SYT1: variants seen among roughly 807,000 people sequenced by gnomAD.
SYT1 encodes the protein synaptotagmin-1.
Under a neutral mutation model 44.8 loss-of-function variants are expected in SYT1, and 8 were observed. That is an observed-to-expected ratio of 0.18 (90% confidence interval 0.10 to 0.32). The LOEUF (loss-of-function observed/expected upper bound fraction) is 0.32, where lower values mean the gene tolerates loss of function less well. Ranked by LOEUF, SYT1 falls within the 10% of genes least tolerant of loss-of-function variation. The probability of loss-of-function intolerance (pLI) is 1.00; values close to 1 mark genes in which losing one functional copy is unlikely to be tolerated. For missense variants in SYT1, 286 were observed against 509.3 expected (o/e 0.56, Z 4.22); for synonymous variants, 154 against 188.8 (o/e 0.82, Z 1.51).
chr12:79,002,620 C>A (rs1290079231), intron 2 of SYT1, among the ~76,000 whole-genome samples: 1 of 152,004 alleles, frequency 6.6e-6, no homozygotes, highest in Non-Finnish European at 1.5e-5. Flanking sequence ...TTTAAATTCC[C>A]TGAACTCTTG....
At chr12:79,213,973 A>G (rs1874626739) in intron 3 of SYT1, among the ~76,000 whole-genome samples, 1 of 152,218 alleles carries the variant, frequency 6.6e-6, no homozygotes, top group South Asian at 2.1e-4. Flanking sequence ...GGACTGAATA[A>G]TCAGCTAATT....
chr12:79,113,153 G>C (rs1879104422), intron 3 of SYT1, among the ~76,000 whole-genome samples: 1 of 152,022 alleles, frequency 6.6e-6, no homozygotes, highest in African/African-American at 2.4e-5. Flanking sequence ...TTGTGTTTCT[G>C]ATATGTTAAC....
At chr12:78,978,523 CTGTT>C (rs1326824084) in intron 2 of SYT1, among the ~76,000 whole-genome samples, 1 of 152,184 alleles carries the variant, frequency 6.6e-6, no homozygotes, top group East Asian at 1.9e-4. Context: ...TGTAAAGTAT[CTGTT>C]TGTCTTAACT....
chr12:79,283,608 G>A (rs186034756), intron 4 of SYT1, among the ~76,000 whole-genome samples: 6 of 152,012 alleles, frequency 3.9e-5, no homozygotes, highest in East Asian at 1.9e-4. Context: ...TGTCTTTCCC[G>A]CAATGAATAC....
intron 1 of SYT1, among the ~76,000 whole-genome samples, chr12:78,913,440 G>C (rs1276306853): frequency 6.6e-6 from 1 of 151,238 alleles, no homozygotes; most frequent in Non-Finnish European, 1.5e-5. Flanking sequence ...TATAGTTAAG[G>C]AACTTTATAT....
intron 9 of SYT1, among the ~76,000 whole-genome samples, chr12:79,376,204 A>G (rs1427799691): frequency 1.3e-5 from 2 of 152,222 alleles, no homozygotes; most frequent in Non-Finnish European, 2.9e-5. Flanking sequence ...GGAGGAATTC[A>G]GGGCGAGTCT....
chr12:79,099,587 GT>G (rs1347173895), intron 3 of SYT1, among the ~76,000 whole-genome samples: 2 of 151,996 alleles, frequency 1.3e-5, no homozygotes, highest in Admixed American at 6.6e-5. Flanking sequence ...ACAAAGTAGG[GT>G]TTTTAATCCT....
chr12:79,046,858 T>G (rs61929014), intron 2 of SYT1, among the ~76,000 whole-genome samples: 1 of 152,054 alleles, frequency 6.6e-6, no homozygotes, highest in African/African-American at 2.4e-5. Context: ...GTGAAAAATA[T>G]AAAACTTAAA....
intron 2 of SYT1, among the ~76,000 whole-genome samples, chr12:78,989,253 A>T (rs1869857998): frequency 1.3e-5 from 2 of 152,138 alleles, no homozygotes; most frequent in South Asian, 4.1e-4. Flanking sequence ...CTCAGGGAAA[A>T]AGACTGGAAT....
chr12:79,017,185 T>G (rs1332761291), intron 2 of SYT1, among the ~76,000 whole-genome samples: 1 of 152,164 alleles, frequency 6.6e-6, no homozygotes, highest in Admixed American at 6.6e-5. Context: ...ATATTCACTT[T>G]AAGAAAAATA....
rs138239688 is a variant in SYT1 at position 79,276,601 on chromosome 12, G to A, written c.167-9186G>A. ...TGAGGCAGGAGAATCACTTGAACCC[G>A]GGAGGCAGAGGTTGCAGTGAGCTAA... On this transcript the variant is annotated intron_variant, in intron 4 of 10. Coordinates refer to ENST00000261205, the MANE Select transcript of SYT1 (RefSeq NM_005639.3). 3.2e-3 allele frequency among the ~76,000 whole-genome samples: 483 copies of A among 151,586 alleles called. 15 individuals are homozygous for A. Among genetic ancestry groups the A allele is most frequent in the Admixed American group, 0.03 (453 of 15,252 alleles).
intron 7 of SYT1, among the ~76,000 whole-genome samples, chr12:79,296,841 A>G (rs926615043): frequency 3.3e-5 from 5 of 152,156 alleles, no homozygotes; most frequent in Non-Finnish European, 7.3e-5. Context: ...CCAGCCATAT[A>G]ATATCTCATC....
intron 3 of SYT1, among the ~76,000 whole-genome samples, chr12:79,077,893 T>C (rs1034788621): frequency 4.6e-5 from 7 of 152,188 alleles, no homozygotes; most frequent in Non-Finnish European, 8.8e-5. Context: ...TCTGGTTTGA[T>C]AAATTTTTAC....
intron 3 of SYT1, among the ~76,000 whole-genome samples, chr12:79,132,435 CA>C (rs1442199089): frequency 7.3e-6 from 1 of 137,434 alleles, no homozygotes; most frequent in African/African-American, 2.8e-5. Context: ...AGCGACAGAG[CA>C]AGATTCCGTC....
intron 1 of SYT1, among the ~76,000 whole-genome samples, chr12:78,913,889 G>A (rs1876489648): frequency 6.6e-6 from 1 of 151,772 alleles, no homozygotes; most frequent in Non-Finnish European, 1.5e-5. Context: ...GTCTCTAGGA[G>A]TCTCATAAAA....
At chr12:79,292,564 T>C (rs1879641127) in intron 6 of SYT1, among the ~76,000 whole-genome samples, 1 of 152,122 alleles carries the variant, frequency 6.6e-6, no homozygotes, top group Admixed American at 6.5e-5. Flanking sequence ...ATATAATGAT[T>C]TGATAAGGGA....
At chr12:79,370,661 G>A (rs954026326) in intron 9 of SYT1, among the ~76,000 whole-genome samples, 1 of 152,150 alleles carries the variant, frequency 6.6e-6, no homozygotes, top group Non-Finnish European at 1.5e-5. Context: ...TACTCAGGAG[G>A]CTGAGACAGG....
At chr12:78,914,212 T>C (rs971432560) in intron 1 of SYT1, among the ~76,000 whole-genome samples, 3 of 151,798 alleles carry the variant, frequency 2.0e-5, no homozygotes, top group Admixed American at 1.3e-4. Context: ...TGGGAAATGA[T>C]TGTGGATCTT....
intron 2 of SYT1, chr12:79,046,358 T>C (rs1874055659): frequency 6.6e-6 from 1 of 152,328 alleles, no homozygotes; most frequent in East Asian, 1.9e-4. Context: ...AACATACTTA[T>C]TATAAGACCT....
Sources: allele counts gnomAD v4.1 joint callset (sites outside exome capture counted in the v4.1 genomes callset), GRCh38; gene constraint gnomAD v4.1.1; transcripts MANE v1.5; gene names NCBI Gene and HGNC (gene_info 2026-07-23, HGNC 2026-07-21).